ARFGEF1: variants seen among roughly 807,000 people sequenced by gnomAD.
ARFGEF1 encodes ARF guanine nucleotide exchange factor 1.
A neutral mutation model predicts 231.0 loss-of-function variants in ARFGEF1; 42 were observed. That is an observed-to-expected ratio of 0.18 (90% CI 0.14 to 0.24). ARFGEF1 has a LOEUF of 0.24. Among genes scored for constraint, ARFGEF1 ranks in the 10% least tolerant of loss-of-function variants. The pLI, the probability that ARFGEF1 is intolerant of heterozygous loss-of-function variation, is 1.00. For missense variants in ARFGEF1, 1,345 were observed against 2,192.0 expected, an observed-to-expected ratio of 0.61 and a Z score of 7.72; for synonymous variants, 710 against 732.3, an observed-to-expected ratio of 0.97 and a Z score of 0.49.
chr8:67,250,897 G>A (rs969900686), intron 19 of ARFGEF1, among the ~76,000 whole-genome samples: 1 of 152,142 alleles, frequency 6.6e-6, no homozygotes, highest in Admixed American at 6.5e-5. Flanking sequence ...CTGGGCCCCA[G>A]GCATATTCAG....
At chr8:67,173,859 A>G (rs528468026), downstream of ARFGEF1, 16 of 152,326 alleles carry the variant, frequency 1.1e-4, no homozygotes, top group South Asian at 3.3e-3. Flanking sequence ...ATTATAAACT[A>G]AGACATTATT....
chr8:67,340,042 C>T (rs1808554607), intron 1 of ARFGEF1, among the ~76,000 whole-genome samples: 1 of 151,554 alleles, frequency 6.6e-6, no homozygotes. Context: ...TAAGAATACA[C>T]AATAAGCTGT....
At chr8:67,300,806 T>C (rs1349735720) in intron 3 of ARFGEF1, among the ~76,000 whole-genome samples, 1 of 151,238 alleles carries the variant, frequency 6.6e-6, no homozygotes, top group East Asian at 1.9e-4. Context: ...ATTACGCCAC[T>C]GCACTCCAGC....
chr8:67,225,393 A>C (rs555244951), intron 28 of ARFGEF1, among the ~76,000 whole-genome samples: 7 of 152,304 alleles, frequency 4.6e-5, no homozygotes, highest in Admixed American at 2.6e-4. Flanking sequence ...TATGAAGGTG[A>C]AATGAGTTGA....
downstream of ARFGEF1, among the ~76,000 whole-genome samples, chr8:67,193,862 C>A (rs549589083): frequency 6.6e-6 from 1 of 152,184 alleles, no homozygotes; most frequent in Non-Finnish European, 1.5e-5. Context: ...TAAACATATC[C>A]AGGCTTTGCT....
chr8:67,207,935 A>ACTT (rs1430773920), intron 34 of ARFGEF1, among the ~76,000 whole-genome samples: 10 of 152,228 alleles, frequency 6.6e-5, no homozygotes, highest in African/African-American at 2.4e-4. Context: ...GCAGGAAAGC[A>ACTT]GAGCCCTTGC....
chr8:67,205,109 C>A (rs1008063729), intron 34 of ARFGEF1, among the ~76,000 whole-genome samples: 11 of 152,220 alleles, frequency 7.2e-5, no homozygotes, highest in African/African-American at 2.7e-4. Context: ...CAGCCCAACA[C>A]AAATTCATAA....
At chr8:67,232,408 A>G (rs192926372) in intron 23 of ARFGEF1, among the ~76,000 whole-genome samples, 2 of 152,142 alleles carry the variant, frequency 1.3e-5, no homozygotes, top group East Asian at 3.9e-4. Context: ...TGATGTGTAT[A>G]ATATATAAAT....
intron 22 of ARFGEF1, among the ~76,000 whole-genome samples, chr8:67,234,971 A>G (rs1040263261): frequency 2.0e-5 from 3 of 151,744 alleles, no homozygotes; most frequent in East Asian, 3.9e-4. Flanking sequence ...GAAAAAAACA[A>G]TGCCAATCAT....
chr8:67,320,287 G>A (rs1807526221), intron 1 of ARFGEF1, among the ~76,000 whole-genome samples: 1 of 130,178 alleles, frequency 7.7e-6, no homozygotes, highest in Admixed American at 7.6e-5. Flanking sequence ...AAATGCAAAT[G>A]AAAAACCATA....
chr8:67,195,462 C>T, downstream of ARFGEF1: 1 of 1,614,112 alleles, frequency 6.2e-7, no homozygotes, highest in Non-Finnish European at 8.5e-7. Context: ...AGCAACTGAG[C>T]CCTGGCTCCG....
intron 4 of ARFGEF1, among the ~76,000 whole-genome samples, chr8:67,298,885 C>T (rs1806355819): frequency 1.3e-5 from 2 of 152,172 alleles, no homozygotes; most frequent in Admixed American, 1.3e-4. Context: ...CCTGCCTCAG[C>T]CTCCTGAGTG....
chr8:67,306,697 G>C (rs1482623966), intron 1 of ARFGEF1, among the ~76,000 whole-genome samples: 1 of 152,164 alleles, frequency 6.6e-6, no homozygotes, highest in Non-Finnish European at 1.5e-5. Context: ...AGTTTACAAA[G>C]TAACAGCAGC....
chr8:67,227,394 T>C (rs1037670468), intron 26 of ARFGEF1, 53 bp downstream of exon 26: 3 of 1,599,254 alleles, frequency 1.9e-6, no homozygotes, highest in Non-Finnish European at 8.5e-7. Context: ...TTCTCCCTGC[T>C]GTGGAAAACA....
intron 7 of ARFGEF1, among the ~76,000 whole-genome samples, chr8:67,280,396 G>A (rs1805486249): frequency 6.6e-6 from 1 of 152,266 alleles, no homozygotes; most frequent in South Asian, 2.1e-4. Context: ...GGAAAGGAGA[G>A]AGCAGCATCT....
At chr8:67,313,738 C>A (rs1337715505) in intron 1 of ARFGEF1, among the ~76,000 whole-genome samples, 1 of 152,174 alleles carries the variant, frequency 6.6e-6, no homozygotes, top group Non-Finnish European at 1.5e-5. Context: ...TGCTGGTTGG[C>A]CTCCTGCCAG....
At chr8:67,343,105 G>GGGGGCCCCC in intron 1 of ARFGEF1, 59 bp downstream of exon 1, 1 of 483,916 alleles carries the variant, frequency 2.1e-6, no homozygotes, top group Non-Finnish European at 3.2e-6. Context: ...CCCCCCACAG[G>GGGGGCCCCC]CGCCCCCCTC....
At chr8:67,316,205 C>A (rs1322879182) in intron 1 of ARFGEF1, among the ~76,000 whole-genome samples, 2 of 152,118 alleles carry the variant, frequency 1.3e-5, no homozygotes, top group African/African-American at 4.8e-5. Flanking sequence ...GAAGCACAAG[C>A]TACCACAATT....
intron 10 of ARFGEF1, among the ~76,000 whole-genome samples, chr8:67,270,910 G>T (rs527610654): frequency 5.1e-4 from 77 of 150,850 alleles, no homozygotes; most frequent in Admixed American, 1.9e-3. Flanking sequence ...TATAATCCCA[G>T]CTACTCGGGA....
Sources: gnomAD v4.1 joint callset for allele counts (sites outside exome capture counted in the v4.1 genomes callset) on GRCh38, gnomAD v4.1.1 for gene constraint, MANE v1.5 for transcripts, NCBI Gene and HGNC (gene_info 2026-07-23, HGNC 2026-07-21) for gene names.